Variants in SOX5 observed in about 807,000 individuals in gnomAD.
SOX5 encodes the protein transcription factor SOX-5.
SOX5 carries 9 observed loss-of-function variants against 92.0 expected under a neutral mutation model. The ratio of observed to expected loss-of-function variants is 0.10; its 90% CI spans 0.06 to 0.17. The LOEUF is 0.17. Ranked by LOEUF, SOX5 falls within the 10% of genes least tolerant of loss-of-function variation. The probability of loss-of-function intolerance (pLI) is 1.00; values close to 1 mark genes in which losing one functional copy is unlikely to be tolerated. For synonymous variants in SOX5, 344 were observed against 336.3 expected, an observed-to-expected ratio of 1.02 and a Z score of -0.25; for missense variants, 642 against 944.5, an observed-to-expected ratio of 0.68 and a Z score of 4.20.
rs189333378 is a variant in SOX5 at position 23,598,544 on chromosome 12, G to C, written c.1164+5843C>G. On this transcript the variant is annotated intron_variant, in intron 9 of 14. Coordinates refer to ENST00000451604, the MANE Select transcript of SOX5 (RefSeq NM_006940.6). The stretch of plus-strand genomic sequence containing the variant: ...CTCCCGAGTAGCTGGGACTACAGGC[G>C]CCTGCCACCACGCCCGGCTAATTTT... Among the ~76,000 whole-genome samples, 15 of 151,478 alleles carry C rather than the reference G, an allele frequency of 9.9e-5. 1 individual carries two copies. The East Asian group carries it at 2.9e-3, about 30-fold the overall frequency.
chr12:23,960,684 C>T (rs1262608076), intron 4 of SOX5, among the ~76,000 whole-genome samples: 17 of 150,606 alleles, frequency 1.1e-4, no homozygotes, highest in Admixed American at 1.1e-3. Flanking sequence ...AAAAGATATT[C>T]AATATATAAA....
chr12:24,245,989 T>C (rs1938618870), intron 3 of SOX5, among the ~76,000 whole-genome samples: 1 of 152,152 alleles, frequency 6.6e-6, no homozygotes. Flanking sequence ...TGTATGTTTA[T>C]TAAGTGTTTC....
At chr12:23,597,263 T>A (rs1952629406) in intron 9 of SOX5, among the ~76,000 whole-genome samples, 1 of 152,220 alleles carries the variant, frequency 6.6e-6, no homozygotes, top group Admixed American at 6.5e-5. Context: ...TCATTCTGCA[T>A]ATTTTGCTTT....
chr12:23,826,486 C>A (rs1248753802), intron 3 of SOX5, among the ~76,000 whole-genome samples: 3 of 152,076 alleles, frequency 2.0e-5, no homozygotes, highest in Non-Finnish European at 2.9e-5. Flanking sequence ...CGTCTAATTC[C>A]TATCCCATTT....
intron 3 of SOX5, among the ~76,000 whole-genome samples, chr12:23,817,327 T>C (rs1594745347): frequency 6.6e-6 from 1 of 152,218 alleles, no homozygotes; most frequent in African/African-American, 2.4e-5. Context: ...CAAGATAATA[T>C]CCTCTACTCT....
intron 5 of SOX5, 80 bp from the exon 6 acceptor site, chr12:23,734,832 G>A: frequency 8.8e-7 from 1 of 1,137,942 alleles, no homozygotes; most frequent in Non-Finnish European, 1.3e-6. Context: ...GTTTCTCAAA[G>A]TTTGATTTGA....
chr12:23,615,131 T>C (rs553669089), intron 8 of SOX5, among the ~76,000 whole-genome samples: 2 of 152,286 alleles, frequency 1.3e-5, no homozygotes, highest in South Asian at 2.1e-4. Flanking sequence ...TGGTATTGTC[T>C]TTTTAATTAT....
intron 4 of SOX5, among the ~76,000 whole-genome samples, chr12:24,210,053 A>G (rs1171859811): frequency 6.8e-6 from 1 of 147,680 alleles, no homozygotes; most frequent in East Asian, 2.0e-4. Context: ...AAAAGAAATA[A>G]TCCTTCCTTC....
intron 7 of SOX5, among the ~76,000 whole-genome samples, chr12:23,664,401 A>AT (rs145407555): frequency 6.6e-6 from 1 of 151,548 alleles, no homozygotes; most frequent in Admixed American, 6.6e-5. Flanking sequence ...ATATTTCACT[A>AT]TTTTTTTTCA....
chr12:24,149,404 G>C (rs771784405), intron 4 of SOX5, among the ~76,000 whole-genome samples: 1 of 152,096 alleles, frequency 6.6e-6, no homozygotes, highest in Non-Finnish European at 1.5e-5. Context: ...GATTTGTACA[G>C]ACATTTCACT....
rs563771808 is a variant in SOX5, at chr12:23,698,828, G to A, written c.811-33264C>T. On this transcript the variant is annotated intron_variant, in intron 6 of 14. Coordinates refer to ENST00000451604, the MANE Select transcript of SOX5 (RefSeq NM_006940.6). ...TACTTTATACCTGTTTTTAAGGTCT[G>A]GTCTGGAATAGCTATTAGACTAAAA... 3.5e-4 allele frequency among the ~76,000 whole-genome samples: 53 copies of A among 152,156 alleles called. No homozygotes were observed. The South Asian group carries it at 0.011, about 31-fold the overall frequency.
intron 2 of SOX5, among the ~76,000 whole-genome samples, chr12:23,853,751 T>C (rs139392147): frequency 1.4e-4 from 22 of 152,182 alleles, no homozygotes; most frequent in African/African-American, 4.8e-4. Flanking sequence ...ACAAAGAACA[T>C]TTTGTGCTGT....
At chr12:24,214,939 T>A (rs1010552848) in intron 3 of SOX5, among the ~76,000 whole-genome samples, 1 of 152,080 alleles carries the variant, frequency 6.6e-6, no homozygotes, top group African/African-American at 2.4e-5. Context: ...ATCCCAGGAA[T>A]GCAAAGTTGA....
At chr12:24,533,305 T>C (rs1476407447) in intron 1 of SOX5, among the ~76,000 whole-genome samples, 1 of 152,226 alleles carries the variant, frequency 6.6e-6, no homozygotes, top group Non-Finnish European at 1.5e-5. Flanking sequence ...AGAGATTCTC[T>C]ATCTTGGATA....
intron 4 of SOX5, among the ~76,000 whole-genome samples, chr12:24,206,998 T>G (rs967632806): frequency 6.6e-6 from 1 of 152,218 alleles, no homozygotes; most frequent in African/African-American, 2.4e-5. Flanking sequence ...TCATTCAGCA[T>G]TCAGGGAATA....
At chr12:24,226,140 G>C (rs550974901) in intron 3 of SOX5, among the ~76,000 whole-genome samples, 1 of 151,682 alleles carries the variant, frequency 6.6e-6, no homozygotes, top group African/African-American at 2.4e-5. Flanking sequence ...TCTCATCTTC[G>C]ATCAAAATTT....
intron 4 of SOX5, among the ~76,000 whole-genome samples, chr12:24,033,047 T>C (rs1955669902): frequency 6.6e-6 from 1 of 151,912 alleles, no homozygotes; most frequent in Admixed American, 6.6e-5. Flanking sequence ...TGAGGAGGTC[T>C]ACAGATTTAA....
intron 1 of SOX5, among the ~76,000 whole-genome samples, chr12:23,922,978 C>T (rs1313747566): frequency 6.6e-6 from 1 of 150,912 alleles, no homozygotes; most frequent in Non-Finnish European, 1.5e-5. Context: ...CGGAGTCTCA[C>T]TGTGTCACCC....
At chr12:23,841,575 T>C (rs1161709916) in intron 3 of SOX5, among the ~76,000 whole-genome samples, 1 of 152,084 alleles carries the variant, frequency 6.6e-6, no homozygotes, top group African/African-American at 2.4e-5. Context: ...AAAGAATTGA[T>C]AAAATAGTGG....
Sources: allele counts gnomAD v4.1 joint callset (sites outside exome capture counted in the v4.1 genomes callset), GRCh38; gene constraint gnomAD v4.1.1; transcripts MANE v1.5; gene names NCBI Gene and HGNC (gene_info 2026-07-23, HGNC 2026-07-21).